AFF2: variants seen among roughly 807,000 people sequenced by gnomAD.
The protein encoded by AFF2 is ALF transcription elongation factor 2.
Under a neutral mutation model 76.9 loss-of-function variants are expected in AFF2, and 14 were observed. The ratio of observed to expected loss-of-function variants is 0.18; its 90% CI spans 0.12 to 0.28. The LOEUF is 0.28. Ranked by LOEUF, AFF2 falls within the 10% of genes least tolerant of loss-of-function variation. AFF2 has a pLI of 1.00. For synonymous variants in AFF2, 398 were observed against 366.7 expected (o/e 1.09, Z -0.98); for missense variants, 868 against 1,001.1 (o/e 0.87, Z 1.79).
chrX:148,701,854 C>T (rs1247277576), intron 3 of AFF2, among the ~76,000 whole-genome samples: 1 of 112,085 alleles, frequency 8.9e-6, no homozygotes, highest in East Asian at 2.8e-4. Context: ...TATCATCTGT[C>T]TCTCTGATTT....
chrX:148,557,162 C>T (rs781951021), intron 1 of AFF2, among the ~76,000 whole-genome samples: 1 of 111,548 alleles, frequency 9.0e-6, no homozygotes, highest in East Asian at 2.9e-4. Flanking sequence ...ATGCATGTCT[C>T]CTTGAGGGTA....
At chrX:148,841,887 T>C (rs1031029725) in intron 5 of AFF2, among the ~76,000 whole-genome samples, 2 of 111,915 alleles carry the variant, frequency 1.8e-5, no homozygotes, top group African/African-American at 6.5e-5. Context: ...TTGTTGAGTT[T>C]GTGGTAATCT....
At position 148,500,664 on chromosome X, in the gene AFF2, CGCCGCCGCCGCCGCCGCCGCT is replaced by C. The variant is rs1437983175; in HGVS notation, c.-427_-407del. 2 of 95,661 alleles carry C rather than the reference CGCCGCCGCCGCCGCCGCCGCT, an allele frequency of 2.1e-5. No individual in the cohort carries two copies. Among genetic ancestry groups the C allele is most frequent in the African/African-American group, 3.7e-5 (1 of 26,697 alleles). 7.9% of individuals were successfully genotyped at this position (95,661 alleles called of 1,213,427 possible). ...CCGCCGCCGCCGCCGCCGCCGCCGC[CGCCGCCGCCGCCGCCGCCGCT>C]GCCGCCCCGGCTGCCGCGCCGCGCC... On this transcript the variant is annotated 5_prime_UTR_variant, in exon 1 of 21. Transcript: ENST00000370460.
rs2072384071 is a variant in AFF2, at chrX:148,980,882, A to G, written c.3623+92A>G. 4 of 599,570 alleles carry G rather than the reference A, an allele frequency of 6.7e-6. No individual in the cohort carries two copies. In the South Asian group the frequency reaches 9.9e-5, roughly 15 times the overall value. The allele number at this position is 599,570 out of a possible 1,213,427, so 49.4% of individuals were successfully genotyped here. Reference sequence around the variant, plus strand: ...ATTGACAAGTCAGGAGTGAAGGTCAATTCTAGAACTACAGTCATTTTTGTG... The same window carrying G: ...ATTGACAAGTCAGGAGTGAAGGTCAGTTCTAGAACTACAGTCATTTTTGTG... On this transcript the variant is annotated intron_variant, in intron 19 of 20. Transcript: ENST00000370460.
rs185792237 is a variant in AFF2, at chrX:148,624,743, C to A, written c.48-27256C>A. ...AACTAGACTATAGGGCACCCAAAATCCAGATGGGAAGTAAAATTTCTGTCA... is the reference window on the plus strand; with the variant it reads ...AACTAGACTATAGGGCACCCAAAATACAGATGGGAAGTAAAATTTCTGTCA... On this transcript the variant is annotated intron_variant, in intron 1 of 20. Transcript: ENST00000370460. Among the ~76,000 whole-genome samples the A allele has an allele frequency of 1.7e-3, 187 of 111,843 alleles. 1 individual carries two copies. The highest frequency in any genetic ancestry group is 5.9e-3 in the African/African-American group (183 of 30,843).
intron 1 of AFF2, among the ~76,000 whole-genome samples, chrX:148,627,807 T>G (rs1367505999): frequency 9.0e-6 from 1 of 111,519 alleles, no homozygotes; most frequent in Non-Finnish European, 1.9e-5. Flanking sequence ...AGAAAAAAAT[T>G]GTATCATATG....
chrX:148,516,408 C>T (rs782553805), intron 1 of AFF2, among the ~76,000 whole-genome samples: 3 of 111,331 alleles, frequency 2.7e-5, no homozygotes, highest in Non-Finnish European at 3.8e-5. Flanking sequence ...ATATGAGAAC[C>T]CCAAAAGATC....
chrX:148,785,305 G>A (rs181378050), intron 3 of AFF2, among the ~76,000 whole-genome samples: 140 of 112,093 alleles, frequency 1.2e-3, no homozygotes, highest in African/African-American at 4.3e-3. Context: ...CCAGTATCAG[G>A]ATATTAATGC....
intron 3 of AFF2, among the ~76,000 whole-genome samples, chrX:148,720,291 G>A (rs1037683308): frequency 9.1e-5 from 10 of 110,069 alleles, no homozygotes; most frequent in Non-Finnish European, 1.9e-4. Context: ...GAAACCATGC[G>A]CAAATGTACA....
intron 3 of AFF2, among the ~76,000 whole-genome samples, chrX:148,739,022 G>A (rs1021514163): frequency 1.8e-5 from 2 of 111,705 alleles, no homozygotes; most frequent in Admixed American, 1.9e-4. Flanking sequence ...GTATTGAGGC[G>A]CATTTTGTGG....
At chrX:148,797,042 C>T (rs781844327) in intron 3 of AFF2, among the ~76,000 whole-genome samples, 13 of 112,383 alleles carry the variant, frequency 1.2e-4, no homozygotes, top group Non-Finnish European at 2.3e-4. Context: ...CGTTGCCTGT[C>T]GTCTGTTTTC....
chrX:148,766,704 G>C (rs1258195491), intron 3 of AFF2, among the ~76,000 whole-genome samples: 1 of 110,976 alleles, frequency 9.0e-6, no homozygotes, highest in Non-Finnish European at 1.9e-5. Flanking sequence ...AAGCTCTTTA[G>C]TTTAATTAGA....
chrX:148,818,771 C>T (rs782327548), intron 4 of AFF2, among the ~76,000 whole-genome samples: 3 of 110,292 alleles, frequency 2.7e-5, no homozygotes, highest in African/African-American at 6.6e-5. Context: ...AACATCAAGG[C>T]TCCAGGTGAT....
intron 3 of AFF2, among the ~76,000 whole-genome samples, chrX:148,805,577 A>G (rs2070120267): frequency 8.9e-6 from 1 of 112,553 alleles, no homozygotes; most frequent in Non-Finnish European, 1.9e-5. Flanking sequence ...GCTAAGAAGT[A>G]TGCTCCAAAC....
intron 3 of AFF2, among the ~76,000 whole-genome samples, chrX:148,754,981 A>T (rs1257256007): frequency 2.7e-5 from 3 of 112,242 alleles, no homozygotes; most frequent in African/African-American, 9.7e-5. Flanking sequence ...AGGCATCAAC[A>T]TGCTGATTGA....
At chrX:148,787,351 TTTA>T (rs1557269611) in intron 3 of AFF2, among the ~76,000 whole-genome samples, 1 of 111,413 alleles carries the variant, frequency 9.0e-6, no homozygotes, top group African/African-American at 3.3e-5. Flanking sequence ...TATACATACG[TTTA>T]TTTGGACAGT....
intron 7 of AFF2, among the ~76,000 whole-genome samples, chrX:148,848,693 A>G (rs975529580): frequency 1.8e-5 from 2 of 112,466 alleles, no homozygotes; most frequent in Non-Finnish European, 3.8e-5. Flanking sequence ...TGGTACTTGG[A>G]ATTTAAAAAT....
intron 1 of AFF2, among the ~76,000 whole-genome samples, chrX:148,562,245 G>A (rs889807700): frequency 7.1e-5 from 8 of 112,252 alleles, no homozygotes; most frequent in Non-Finnish European, 1.5e-4. Context: ...GCATCACACA[G>A]ACACAGCCTG....
At chrX:148,647,359 C>T (rs1157559137) in intron 1 of AFF2, among the ~76,000 whole-genome samples, 1 of 111,686 alleles carries the variant, frequency 9.0e-6, no homozygotes, top group East Asian at 2.8e-4. Flanking sequence ...ATTTTTTATT[C>T]CCCAAGTGGC....
Sources: gnomAD v4.1 joint callset for allele counts (sites outside exome capture counted in the v4.1 genomes callset) on GRCh38, gnomAD v4.1.1 for gene constraint, MANE v1.5 for transcripts, NCBI Gene and HGNC (gene_info 2026-07-23, HGNC 2026-07-21) for gene names.